The following RTL4 variants were observed in gnomAD, a reference collection of about 807,000 sequenced individuals.
RTL4 encodes the protein retrotransposon Gag-like protein 4.
In RTL4, 4 loss-of-function variants were observed where a neutral mutation model predicts 5.3. The observed-to-expected ratio is 0.75, with a 90% CI of 0.37 to 1.72. The LOEUF (loss-of-function observed/expected upper bound fraction) is 1.72. RTL4 is among the 40% of genes most tolerant of loss of function. RTL4 has a pLI of 0.04. For synonymous variants in RTL4, 98 were observed against 87.3 expected (o/e 1.12, Z -0.68); for missense variants, 260 against 227.1 (o/e 1.14, Z -0.93).
chrX:112,093,484 T>A, the RTL4 span, among the ~76,000 whole-genome samples: 1 of 111,433 alleles, frequency 9.0e-6, no homozygotes, highest in Non-Finnish European at 1.9e-5. Context: ...CCCTCTTCCT[T>A]TGCCTCTTTA....
chrX:112,263,034 C>T, the RTL4 span, among the ~76,000 whole-genome samples: 1 of 85,706 alleles, frequency 1.2e-5, no homozygotes, highest in African/African-American at 4.6e-5. Context: ...AGTGGAACAT[C>T]ACACACTGGG....
the RTL4 span, among the ~76,000 whole-genome samples, chrX:112,290,640 T>C: frequency 6.2e-5 from 7 of 112,579 alleles, no homozygotes; most frequent in African/African-American, 2.3e-4. Context: ...TGCTATAACA[T>C]ACTAACTAGC....
the RTL4 span, among the ~76,000 whole-genome samples, chrX:112,144,207 T>C: frequency 9.0e-6 from 1 of 111,706 alleles, no homozygotes; most frequent in Non-Finnish European, 1.9e-5. Context: ...CTGGCTGCAG[T>C]ACTTCAGTGC....
the RTL4 span, among the ~76,000 whole-genome samples, chrX:112,132,832 G>A: frequency 9.8e-5 from 11 of 112,176 alleles, no homozygotes; most frequent in East Asian, 1.1e-3. Context: ...ACTACAATAA[G>A]GTAAGTTCCA....
the RTL4 span, among the ~76,000 whole-genome samples, chrX:112,247,870 G>A: frequency 9.0e-6 from 1 of 111,700 alleles, no homozygotes; most frequent in Non-Finnish European, 1.9e-5. Flanking sequence ...GTTCCCTTGG[G>A]AACAGGAAGG....
chrX:112,259,191 T>C, the RTL4 span, among the ~76,000 whole-genome samples: 3 of 111,836 alleles, frequency 2.7e-5, no homozygotes, highest in Admixed American at 2.9e-4. Flanking sequence ...ATACACTAAA[T>C]TTTAGCCCTA....
the RTL4 span, among the ~76,000 whole-genome samples, chrX:112,270,560 C>T: frequency 1.8e-5 from 2 of 111,456 alleles, no homozygotes; most frequent in African/African-American, 6.5e-5. Flanking sequence ...AGGATGTGGA[C>T]CTTGGGGCAA....
At chrX:112,431,859 T>A in the RTL4 span, among the ~76,000 whole-genome samples, 1 of 100,608 alleles carries the variant, frequency 9.9e-6, no homozygotes, top group Non-Finnish European at 2.0e-5. Context: ...TAGGTATATC[T>A]CCTAATGCTA....
the RTL4 span, among the ~76,000 whole-genome samples, chrX:112,247,884 G>C: frequency 8.9e-6 from 1 of 111,774 alleles, no homozygotes; most frequent in African/African-American, 3.3e-5. Flanking sequence ...AGGAAGGACT[G>C]GTTTCCTCCA....
chrX:112,352,085 T>A, the RTL4 span, among the ~76,000 whole-genome samples: 2 of 111,304 alleles, frequency 1.8e-5, no homozygotes, highest in African/African-American at 6.5e-5. Flanking sequence ...TCTCTCAGCA[T>A]TTGCTTGTCT....
the RTL4 span, among the ~76,000 whole-genome samples, chrX:112,153,945 T>A: frequency 9.0e-6 from 1 of 111,081 alleles, no homozygotes; most frequent in Non-Finnish European, 1.9e-5. Context: ...CTTTCTCCTG[T>A]TCTTCTGCAA....
chrX:112,380,331 T>C, the RTL4 span, among the ~76,000 whole-genome samples: 1 of 110,565 alleles, frequency 9.0e-6, no homozygotes, highest in East Asian at 2.9e-4. Context: ...TTTGTATTTT[T>C]AGTAGAGATG....
chrX:112,187,121 C>G, the RTL4 span, among the ~76,000 whole-genome samples: 1 of 112,036 alleles, frequency 8.9e-6, no homozygotes, highest in African/African-American at 3.2e-5. Context: ...TCCATTTATG[C>G]TTTTAGGCCT....
At chrX:112,342,697 C>T in the RTL4 span, among the ~76,000 whole-genome samples, 1 of 111,581 alleles carries the variant, frequency 9.0e-6, no homozygotes, top group Non-Finnish European at 1.9e-5. Context: ...CCTCAATAAC[C>T]AGGAATCAAA....
At chrX:112,261,018 C>T in the RTL4 span, among the ~76,000 whole-genome samples, 1 of 111,607 alleles carries the variant, frequency 9.0e-6, no homozygotes, top group African/African-American at 3.3e-5. Flanking sequence ...GGCATCACTA[C>T]GATTGAACCT....
the RTL4 span, among the ~76,000 whole-genome samples, chrX:112,191,769 G>A: frequency 9.0e-6 from 1 of 111,657 alleles, no homozygotes; most frequent in Non-Finnish European, 1.9e-5. Context: ...TATACTCAGT[G>A]AACTCATCAA....
the RTL4 span, among the ~76,000 whole-genome samples, chrX:112,376,412 A>G: frequency 1.8e-5 from 2 of 111,662 alleles, no homozygotes; most frequent in Non-Finnish European, 3.8e-5. Flanking sequence ...TCAACTTATG[A>G]TGGATCCACA....
the RTL4 span, among the ~76,000 whole-genome samples, chrX:112,411,602 C>A: frequency 3.6e-5 from 4 of 111,217 alleles, 1 homozygote; most frequent in South Asian, 1.5e-3. Flanking sequence ...AGGACAAATA[C>A]CATATTATCA....
the RTL4 span, among the ~76,000 whole-genome samples, chrX:112,159,025 A>C: frequency 8.9e-6 from 1 of 112,093 alleles, no homozygotes; most frequent in African/African-American, 3.2e-5. Flanking sequence ...GTTAGAAAAA[A>C]ATTGCTATTT....
Sources: allele counts gnomAD v4.1 joint callset (sites outside exome capture counted in the v4.1 genomes callset), GRCh38; gene constraint gnomAD v4.1.1; transcripts MANE v1.5; gene names NCBI Gene and HGNC (gene_info 2026-07-23, HGNC 2026-07-21).